ADAMTSL1: variants seen among roughly 807,000 people sequenced by gnomAD.
ADAMTSL1 encodes the protein ADAMTS like 1.
A neutral mutation model predicts 201.8 loss-of-function variants in ADAMTSL1; 126 were observed. The observed-to-expected ratio is 0.62, with a 90% CI of 0.54 to 0.72. ADAMTSL1 has a LOEUF of 0.72. Among genes scored for constraint, ADAMTSL1 ranks in the 30% least tolerant of loss-of-function variants. The pLI is 0.00. For missense variants in ADAMTSL1, 2,679 were observed against 2,277.8 expected (o/e 1.18, Z -3.59); for synonymous variants, 1,121 against 903.4 (o/e 1.24, Z -4.32).
At chr9:18,812,482 C>T (rs1418272557) in intron 20 of ADAMTSL1, among the ~76,000 whole-genome samples, 2 of 151,968 alleles carry the variant, frequency 1.3e-5, no homozygotes, top group African/African-American at 4.8e-5. Context: ...AACTATAAAA[C>T]ATTTAGAAAA....
intron 2 of ADAMTSL1, among the ~76,000 whole-genome samples, chr9:18,364,683 A>G (rs929409651): frequency 6.6e-6 from 1 of 152,196 alleles, no homozygotes; most frequent in African/African-American, 2.4e-5. Flanking sequence ...TGGGTAATTT[A>G]TAAAGAAAAG....
intron 1 of ADAMTSL1, among the ~76,000 whole-genome samples, chr9:17,921,306 C>G (rs1018423547): frequency 6.6e-6 from 1 of 152,142 alleles, no homozygotes; most frequent in Non-Finnish European, 1.5e-5. Flanking sequence ...GTCTGAAGCC[C>G]TACAGGCCAC....
chr9:18,307,590 G>T (rs1833958379), intron 2 of ADAMTSL1, among the ~76,000 whole-genome samples: 1 of 152,062 alleles, frequency 6.6e-6, no homozygotes, highest in Non-Finnish European at 1.5e-5. Flanking sequence ...GATCAAAAAA[G>T]GCTAAGAAAG....
At chr9:18,408,471 C>T (rs1389633741) in intron 2 of ADAMTSL1, among the ~76,000 whole-genome samples, 2 of 151,874 alleles carry the variant, frequency 1.3e-5, no homozygotes, top group African/African-American at 2.4e-5. Flanking sequence ...ACACTCTCCG[C>T]ACCCCCCACC....
intron 2 of ADAMTSL1, among the ~76,000 whole-genome samples, chr9:18,419,878 C>T (rs570698740): frequency 7.2e-5 from 11 of 152,000 alleles, no homozygotes; most frequent in South Asian, 4.1e-4. Context: ...TACAGGCGCA[C>T]GCCACTACAC....
At chr9:18,088,404 A>G (rs1022033896) in intron 1 of ADAMTSL1, among the ~76,000 whole-genome samples, 1 of 152,236 alleles carries the variant, frequency 6.6e-6, no homozygotes, top group Non-Finnish European at 1.5e-5. Flanking sequence ...GTCACACCAC[A>G]TCACACTGAA....
chr9:18,133,165 T>C (rs1039849939), intron 1 of ADAMTSL1, among the ~76,000 whole-genome samples: 1 of 152,106 alleles, frequency 6.6e-6, no homozygotes, highest in Non-Finnish European at 1.5e-5. Context: ...AAGCTAGGGT[T>C]CAGACTCTCA....
chr9:18,519,976 A>T (rs1178452145), intron 2 of ADAMTSL1, among the ~76,000 whole-genome samples: 1 of 152,216 alleles, frequency 6.6e-6, no homozygotes, highest in Non-Finnish European at 1.5e-5. Context: ...TTGCTATAGC[A>T]TGTCTTTCTT....
At chr9:18,064,436 T>A (rs1586971053) in intron 1 of ADAMTSL1, among the ~76,000 whole-genome samples, 1 of 152,186 alleles carries the variant, frequency 6.6e-6, no homozygotes, top group Admixed American at 6.5e-5. Flanking sequence ...AATTTAGGAG[T>A]TCTATTTCAT....
chr9:18,313,110 A>G (rs1423324531), intron 2 of ADAMTSL1, among the ~76,000 whole-genome samples: 1 of 152,212 alleles, frequency 6.6e-6, no homozygotes, highest in Non-Finnish European at 1.5e-5. Context: ...TATTTGAAAC[A>G]CAGATTGCTG....
At chr9:18,817,004 C>A in intron 20 of ADAMTSL1, 105 bp from the exon 21 acceptor site, 2 of 1,419,854 alleles carry the variant, frequency 1.4e-6, no homozygotes, top group South Asian at 1.4e-5. Context: ...TGGCAAAAGT[C>A]TGGGTAGACC....
intron 1 of ADAMTSL1, among the ~76,000 whole-genome samples, chr9:17,940,365 G>A (rs950037968): frequency 9.9e-5 from 15 of 152,042 alleles, no homozygotes; most frequent in Admixed American, 2.6e-4. Context: ...AGCAAGGAAC[G>A]GAAAGGACAA....
At chr9:17,943,952 G>GGA (rs1453329607) in intron 1 of ADAMTSL1, among the ~76,000 whole-genome samples, 5 of 151,742 alleles carry the variant, frequency 3.3e-5, no homozygotes, top group African/African-American at 9.7e-5. Flanking sequence ...GAGGGAATAG[G>GGA]GAGAGAGGTG....
intron 1 of ADAMTSL1, among the ~76,000 whole-genome samples, chr9:18,497,849 G>A (rs1421382270): frequency 6.6e-6 from 1 of 152,176 alleles, no homozygotes; most frequent in Non-Finnish European, 1.5e-5. Context: ...ATCCAGGCTT[G>A]ACCTTGGATA....
At chr9:18,892,693 C>T (rs1335355626) in intron 26 of ADAMTSL1, 97 bp downstream of exon 26, 19 of 1,352,596 alleles carry the variant, frequency 1.4e-5, no homozygotes, top group Non-Finnish European at 1.8e-5. Flanking sequence ...ACTGCCACCT[C>T]CTCCTTTCAC....
rs374536993 is a variant in ADAMTSL1, at chr9:18,250,855, G to A, written c.207+86874G>A. On this transcript the variant is annotated intron_variant, in intron 2 of 29. Coordinates refer to the ADAMTSL1 transcript ENST00000680146. The stretch of plus-strand genomic sequence containing the variant: ...ATGACTCGTTTTCTACCACCAGCCC[G>A]TTTGCCACTGCTAAGGAATCTCTAC... 2.1e-4 allele frequency among the ~76,000 whole-genome samples: 32 copies of A among 152,210 alleles called. 1 individual carries two copies. The South Asian group carries it at 5.2e-3, about 25-fold the overall frequency.
intron 25 of ADAMTSL1, among the ~76,000 whole-genome samples, chr9:18,890,084 T>G (rs1829150891): frequency 1.3e-5 from 2 of 151,944 alleles, no homozygotes; most frequent in Non-Finnish European, 2.9e-5. Context: ...TGACTCTGAG[T>G]TGTTTGTAGA....
intron 2 of ADAMTSL1, among the ~76,000 whole-genome samples, chr9:18,341,316 G>A (rs1378270138): frequency 1.3e-5 from 2 of 151,940 alleles, no homozygotes; most frequent in Non-Finnish European, 2.9e-5. Flanking sequence ...TGTTTCTTTT[G>A]TCTGGGCTTT....
intron 2 of ADAMTSL1, among the ~76,000 whole-genome samples, chr9:18,422,115 T>C (rs1020791527): frequency 2.6e-5 from 4 of 152,168 alleles, no homozygotes; most frequent in African/African-American, 7.2e-5. Flanking sequence ...CCTGGTCTCC[T>C]ATAAAATCTC....
Sources: allele counts gnomAD v4.1 joint callset (sites outside exome capture counted in the v4.1 genomes callset), GRCh38; gene constraint gnomAD v4.1.1; transcripts MANE v1.5; gene names NCBI Gene and HGNC (gene_info 2026-07-23, HGNC 2026-07-21).